The following GPC6 variants were observed in gnomAD, a reference collection of about 807,000 sequenced individuals.
GPC6 encodes the protein glypican 6, also known as glypican-6.
A neutral mutation model predicts 55.2 loss-of-function variants in GPC6; 14 were observed. The observed-to-expected ratio is 0.25, with a 90% confidence interval of 0.17 to 0.40. The LOEUF is 0.40. GPC6 is among the 10% of genes least tolerant of loss of function. The pLI is 1.00. For missense variants in GPC6, 641 were observed against 708.5 expected, an observed-to-expected ratio of 0.90 and a Z score of 1.08; for synonymous variants, 278 against 259.6, an observed-to-expected ratio of 1.07 and a Z score of -0.68.
chr13:93,542,373 A>G (rs1882350071), intron 1 of GPC6, among the ~76,000 whole-genome samples: 1 of 152,096 alleles, frequency 6.6e-6, no homozygotes, highest in African/African-American at 2.4e-5. Context: ...GTTCTGTACC[A>G]TTGATCTATA....
chr13:93,228,162 C>G (rs1460892628), intron 1 of GPC6, among the ~76,000 whole-genome samples: 2 of 152,154 alleles, frequency 1.3e-5, no homozygotes, highest in Non-Finnish European at 1.5e-5. Flanking sequence ...GCGCTCGGGC[C>G]GGGGGCGGGC....
chr13:93,943,987 C>G (rs769082035), intron 3 of GPC6, among the ~76,000 whole-genome samples: 3 of 152,100 alleles, frequency 2.0e-5, no homozygotes, highest in African/African-American at 7.2e-5. Context: ...CCTGAACTCT[C>G]CCATCACTCA....
intron 2 of GPC6, among the ~76,000 whole-genome samples, chr13:93,600,843 G>A (rs756112115): frequency 2.6e-5 from 4 of 150,972 alleles, no homozygotes; most frequent in Admixed American, 6.6e-5. Context: ...CCAGCTACTC[G>A]GGAGGCTGAG....
At chr13:94,214,401 G>A (rs922528543) in intron 4 of GPC6, among the ~76,000 whole-genome samples, 1 of 152,136 alleles carries the variant, frequency 6.6e-6, no homozygotes, top group Non-Finnish European at 1.5e-5. Flanking sequence ...GGTAGGTAGG[G>A]AATTTAATTA....
At chr13:93,884,557 A>G (rs1372689815) in intron 3 of GPC6, among the ~76,000 whole-genome samples, 1 of 152,044 alleles carries the variant, frequency 6.6e-6, no homozygotes, top group Non-Finnish European at 1.5e-5. Context: ...GGATTTTTAG[A>G]GATTTATTTA....
chr13:93,348,041 T>C (rs913778639), intron 1 of GPC6, among the ~76,000 whole-genome samples: 1 of 152,166 alleles, frequency 6.6e-6, no homozygotes. Flanking sequence ...CTGCACAACA[T>C]TTTTCACCAT....
At chr13:93,853,952 T>C (rs535196570) in intron 3 of GPC6, among the ~76,000 whole-genome samples, 1 of 151,854 alleles carries the variant, frequency 6.6e-6, no homozygotes, top group Admixed American at 6.6e-5. Flanking sequence ...TTGTCAGGTG[T>C]CGGAATTGCT....
chr13:94,325,630 C>A (rs1333692034), intron 6 of GPC6, among the ~76,000 whole-genome samples: 1 of 152,166 alleles, frequency 6.6e-6, no homozygotes, highest in African/African-American at 2.4e-5. Flanking sequence ...ATTTAAAAGG[C>A]TCATGGGAAT....
intron 2 of GPC6, among the ~76,000 whole-genome samples, chr13:93,752,027 A>G (rs1046081809): frequency 1.3e-5 from 2 of 152,078 alleles, no homozygotes; most frequent in African/African-American, 4.8e-5. Flanking sequence ...AATCAGCTCT[A>G]TTGTTTCTGA....
At chr13:94,261,338 G>C (rs1891652117) in intron 4 of GPC6, among the ~76,000 whole-genome samples, 2 of 152,170 alleles carry the variant, frequency 1.3e-5, no homozygotes, top group Non-Finnish European at 2.9e-5. Flanking sequence ...AACAGGGTAT[G>C]ACACTGTTCT....
upstream of GPC6, among the ~76,000 whole-genome samples, chr13:93,223,019 C>CTTTTTTTTTTTTTTTTTTTTT (rs3073915): frequency 1.3e-4 from 13 of 100,814 alleles, 1 homozygote; most frequent in African/African-American, 4.2e-4. Flanking sequence ...AGGGAAAACA[C>CTTTTTTTTTTTTTTTTTTTTT]TTTTTTTTTT....
chr13:93,601,639 A>G (rs1228239986), intron 2 of GPC6, among the ~76,000 whole-genome samples: 2 of 152,294 alleles, frequency 1.3e-5, no homozygotes, highest in Non-Finnish European at 2.9e-5. Flanking sequence ...ATTTGGCTTG[A>G]GGTTAATTTA....
chr13:93,739,742 C>T (rs1464635431), intron 2 of GPC6, among the ~76,000 whole-genome samples: 1 of 152,146 alleles, frequency 6.6e-6, no homozygotes, highest in Non-Finnish European at 1.5e-5. Context: ...AAATACATAT[C>T]GAGTGTCCAT....
intron 2 of GPC6, among the ~76,000 whole-genome samples, chr13:93,675,467 G>A (rs1490470272): frequency 1.3e-5 from 2 of 152,072 alleles, no homozygotes; most frequent in Admixed American, 1.3e-4. Flanking sequence ...TTCACAATAT[G>A]CTGTGATCCT....
intron 1 of GPC6, among the ~76,000 whole-genome samples, chr13:93,431,112 A>G (rs1394989023): frequency 6.6e-6 from 1 of 152,152 alleles, no homozygotes; most frequent in Non-Finnish European, 1.5e-5. Flanking sequence ...GAAACTGTCA[A>G]TACTTTTCCA....
chr13:93,915,155 A>G (rs2140339755), intron 3 of GPC6, among the ~76,000 whole-genome samples: 1 of 152,286 alleles, frequency 6.6e-6, no homozygotes, highest in South Asian at 2.1e-4. Flanking sequence ...TTCTCTGCCA[A>G]ACTAGTGAAG....
intron 2 of GPC6, among the ~76,000 whole-genome samples, chr13:93,553,419 G>A (rs920479181): frequency 1.3e-5 from 2 of 152,078 alleles, no homozygotes; most frequent in Non-Finnish European, 2.9e-5. Flanking sequence ...TGGGCCAGGC[G>A]CAGTGGCTTA....
Position 93,926,966 on chromosome 13 carries a change from A to G in GPC6, c.711+96421A>G, listed in dbSNP as rs1308541137. 4.6e-5 allele frequency among the ~76,000 whole-genome samples: 7 copies of G among 152,146 alleles called. No homozygotes were observed. The East Asian group carries it at 1.2e-3, about 25-fold the overall frequency. On this transcript the variant is annotated intron_variant, in intron 3 of 8. Transcript: ENST00000377047. ...TTCAGAGATTTCACTGTTGACAAAG[A>G]CTATATGTTCCCCTAGTAGTTTTCT...
chr13:93,669,458 C>G (rs537016504), intron 2 of GPC6, among the ~76,000 whole-genome samples: 2 of 152,248 alleles, frequency 1.3e-5, no homozygotes, highest in Non-Finnish European at 2.9e-5. Flanking sequence ...GTTGTAAGCC[C>G]ACTGCTTGTC....
Sources: allele counts gnomAD v4.1 joint callset (sites outside exome capture counted in the v4.1 genomes callset), GRCh38; gene constraint gnomAD v4.1.1; transcripts MANE v1.5; gene names NCBI Gene and HGNC (gene_info 2026-07-23, HGNC 2026-07-21).